AP2B1: variants seen among roughly 807,000 people sequenced by gnomAD.
AP2B1 encodes the protein AP-2 complex subunit beta.
In AP2B1, 23 loss-of-function variants were observed where a neutral mutation model predicts 102.0. That is an observed-to-expected ratio of 0.23 (90% confidence interval 0.16 to 0.32). The LOEUF is 0.32. Among genes scored for constraint, AP2B1 ranks in the 10% least tolerant of loss-of-function variants. The probability of loss-of-function intolerance (pLI) is 1.00; values close to 1 mark genes in which losing one functional copy is unlikely to be tolerated. For synonymous variants in AP2B1, 381 were observed against 421.2 expected (o/e 0.90, Z 1.17); for missense variants, 541 against 1,157.4 (o/e 0.47, Z 7.73).
intron 18 of AP2B1, among the ~76,000 whole-genome samples, chr17:35,708,469 C>G (rs1401414495): frequency 2.6e-5 from 4 of 151,710 alleles, no homozygotes; most frequent in African/African-American, 9.7e-5. Context: ...ACAGGATGCT[C>G]TGAATTAAGC....
At chr17:35,720,600 T>TTTTTTA (rs2085357461) in intron 21 of AP2B1, among the ~76,000 whole-genome samples, 1 of 118,056 alleles carries the variant, frequency 8.5e-6, no homozygotes, top group Non-Finnish European at 1.7e-5. Flanking sequence ...TTTTTTTTTT[T>TTTTTTA]AATATAGAGA....
At chr17:35,689,107 C>T (rs67296463) in intron 18 of AP2B1, among the ~76,000 whole-genome samples, 54,272 of 152,128 alleles carry the variant, frequency 0.36, 9,888 homozygotes, top group East Asian at 0.45. Context: ...TACCCCTTTC[C>T]ATAACCCTAC....
At chr17:35,654,586 A>G (rs1052656606) in intron 13 of AP2B1, among the ~76,000 whole-genome samples, 2 of 152,296 alleles carry the variant, frequency 1.3e-5, no homozygotes, top group Non-Finnish European at 2.9e-5. Context: ...TGTACTTGGT[A>G]TCTTTAACAG....
chr17:35,698,108 T>C (rs1395569142), intron 18 of AP2B1, among the ~76,000 whole-genome samples: 1 of 152,250 alleles, frequency 6.6e-6, no homozygotes, highest in Non-Finnish European at 1.5e-5. Context: ...CATCTAGCAC[T>C]TTTCAATATC....
intron 12 of AP2B1, among the ~76,000 whole-genome samples, chr17:35,642,817 C>T (rs225271): frequency 0.87 from 131,698 of 152,228 alleles, 57,303 homozygotes; most frequent in East Asian, 0.97. Context: ...TTTCCTGTTA[C>T]TACAACTTAA....
At chr17:35,692,975 A>G (rs1259966900) in intron 18 of AP2B1, among the ~76,000 whole-genome samples, 1 of 111,402 alleles carries the variant, frequency 9.0e-6, no homozygotes, top group African/African-American at 3.5e-5. Context: ...GGAGTTGTTT[A>G]TTTGGCGTTT....
chr17:35,700,564 C>T (rs1361876748), intron 18 of AP2B1, among the ~76,000 whole-genome samples: 1 of 152,104 alleles, frequency 6.6e-6, no homozygotes, highest in African/African-American at 2.4e-5. Flanking sequence ...GCAGTGCCTC[C>T]TTTGGTTACC....
intron 3 of AP2B1, among the ~76,000 whole-genome samples, chr17:35,603,654 A>C (rs945622715): frequency 6.6e-6 from 1 of 152,232 alleles, no homozygotes; most frequent in Non-Finnish European, 1.5e-5. Context: ...TGGATGGGGC[A>C]TCTTGTCATA....
At chr17:35,595,173 A>G (rs2073226590) in intron 2 of AP2B1, among the ~76,000 whole-genome samples, 1 of 152,196 alleles carries the variant, frequency 6.6e-6, no homozygotes, top group Non-Finnish European at 1.5e-5. Flanking sequence ...GAACTTTGAA[A>G]TAATACTGAT....
chr17:35,617,944 T>C (rs1215741593), intron 5 of AP2B1, among the ~76,000 whole-genome samples: 5 of 152,246 alleles, frequency 3.3e-5, no homozygotes, highest in African/African-American at 1.2e-4. Context: ...TTAAATCATA[T>C]CTTAAACCAC....
intron 12 of AP2B1, among the ~76,000 whole-genome samples, chr17:35,647,205 A>C (rs1017506596): frequency 2.6e-4 from 39 of 152,218 alleles, no homozygotes; most frequent in African/African-American, 9.2e-4. Flanking sequence ...ATATAAAAAA[A>C]TGTGGGAGAG....
At chr17:35,722,911 G>C (rs1475517633) in intron 21 of AP2B1, among the ~76,000 whole-genome samples, 1 of 152,110 alleles carries the variant, frequency 6.6e-6, no homozygotes, top group Admixed American at 6.5e-5. Flanking sequence ...TCACCATTAA[G>C]ATCTTTTTAA....
intron 18 of AP2B1, among the ~76,000 whole-genome samples, chr17:35,702,666 T>C (rs1323132790): frequency 6.6e-6 from 1 of 152,062 alleles, no homozygotes; most frequent in Non-Finnish European, 1.5e-5. Flanking sequence ...GTGAAGGGAA[T>C]GTATAGGGGG....
At chr17:35,661,068 A>G (rs150457541) in intron 14 of AP2B1, among the ~76,000 whole-genome samples, 3 of 152,224 alleles carry the variant, frequency 2.0e-5, no homozygotes, top group South Asian at 4.1e-4. Context: ...TGTTGGTTCT[A>G]TTTTTATCAT....
At chr17:35,657,350 AATTAT>A (rs934270314) in intron 13 of AP2B1, among the ~76,000 whole-genome samples, 18 of 152,192 alleles carry the variant, frequency 1.2e-4, no homozygotes, top group African/African-American at 3.9e-4. Flanking sequence ...AAAATTGACC[AATTAT>A]ATTATATAAC....
intron 17 of AP2B1, among the ~76,000 whole-genome samples, chr17:35,676,865 T>G (rs550090105): frequency 1.3e-5 from 2 of 152,348 alleles, no homozygotes; most frequent in South Asian, 4.1e-4. Flanking sequence ...GAGGATCGTC[T>G]TATTATGGAG....
At chr17:35,642,228 G>GT (rs1439201583) in intron 12 of AP2B1, among the ~76,000 whole-genome samples, 2 of 152,110 alleles carry the variant, frequency 1.3e-5, no homozygotes, top group African/African-American at 4.8e-5. Flanking sequence ...TCTTAGTTTA[G>GT]TGAAGGACAT....
intron 14 of AP2B1, among the ~76,000 whole-genome samples, chr17:35,664,298 A>G (rs1435326786): frequency 6.6e-6 from 1 of 152,102 alleles, no homozygotes; most frequent in African/African-American, 2.4e-5. Flanking sequence ...TTGTCACCCA[A>G]GCTACAGTAC....
chr17:35,667,150 C>T (rs890464518), intron 14 of AP2B1, among the ~76,000 whole-genome samples: 2 of 152,160 alleles, frequency 1.3e-5, no homozygotes, highest in African/African-American at 4.8e-5. Context: ...GCTTCCATTC[C>T]TGCTGACATC....
Sources: gnomAD v4.1 joint callset for allele counts (sites outside exome capture counted in the v4.1 genomes callset) on GRCh38, gnomAD v4.1.1 for gene constraint, MANE v1.5 for transcripts, NCBI Gene and HGNC (gene_info 2026-07-23, HGNC 2026-07-21) for gene names.